XRN1: variants seen among roughly 807,000 people sequenced by gnomAD.
XRN1 encodes the protein strand-exchange protein 1 homolog.
Under a neutral mutation model 222.3 loss-of-function variants are expected in XRN1, and 67 were observed. That is an observed-to-expected ratio of 0.30 (90% CI 0.25 to 0.37). The LOEUF is 0.37. Ranked by LOEUF, XRN1 falls within the 10% of genes least tolerant of loss-of-function variation. The pLI, the probability that XRN1 is intolerant of heterozygous loss-of-function variation, is 1.00. For synonymous variants in XRN1, 643 were observed against 652.4 expected (o/e 0.99, Z 0.22); for missense variants, 1,707 against 2,000.2 (o/e 0.85, Z 2.80).
chr3:142,394,694 T>C (rs996982685), intron 20 of XRN1, among the ~76,000 whole-genome samples: 2 of 152,234 alleles, frequency 1.3e-5, no homozygotes, highest in South Asian at 4.1e-4. Flanking sequence ...TCTCCTTCCA[T>C]CTTAGAATTT....
chr3:142,313,256 A>G, intron 39 of XRN1: 6 of 1,495,660 alleles, frequency 4.0e-6, no homozygotes, highest in Non-Finnish European at 4.6e-6. Context: ...TCTCTATTTT[A>G]ATATTTGAAG....
At chr3:142,442,879 G>A (rs557796583) in intron 1 of XRN1, among the ~76,000 whole-genome samples, 10 of 151,768 alleles carry the variant, frequency 6.6e-5, no homozygotes, top group East Asian at 2.0e-4. Context: ...GACTACGGGC[G>A]CCCAACACGA....
In XRN1 at chr3:142,448,018, C is replaced by G; in HGVS notation, c.-74G>C. The G allele has an allele frequency of 6.6e-7, 1 of 1,504,308 alleles. No individual in the cohort carries two copies. Among genetic ancestry groups the G allele is most frequent in the Non-Finnish European group, 9.2e-7 (1 of 1,087,832 alleles). 93.2% of individuals were successfully genotyped at this position (1,504,308 alleles called of 1,614,324 possible). A position where few individuals can be genotyped will look rare whatever the true frequency, so the allele number is the denominator to read the frequency against. On this transcript the variant is annotated 5_prime_UTR_variant, in exon 1 of 41. Transcript: ENST00000392981. Reference sequence around the variant, plus strand: ...CCCCGCCGGGGCTCCGCCGCAGCCTCCGGTCGTCGCTCCGCGGATGACAAC... The same window carrying G: ...CCCCGCCGGGGCTCCGCCGCAGCCTGCGGTCGTCGCTCCGCGGATGACAAC...
chr3:142,381,481 TC>T (rs2067302239), intron 22 of XRN1, among the ~76,000 whole-genome samples: 1 of 152,084 alleles, frequency 6.6e-6, no homozygotes, highest in South Asian at 2.1e-4. Flanking sequence ...CATTTAATTG[TC>T]ATATCTCTTT....
chr3:142,361,412 G>GT (rs1340655356), intron 29 of XRN1, among the ~76,000 whole-genome samples: 1 of 152,216 alleles, frequency 6.6e-6, no homozygotes, highest in Admixed American at 6.5e-5. Flanking sequence ...ACCCACCTAT[G>GT]AATGGGATGG....
chr3:142,431,919 TA>T (rs1184878543), intron 2 of XRN1, among the ~76,000 whole-genome samples: 3 of 94,580 alleles, frequency 3.2e-5, no homozygotes, highest in East Asian at 2.6e-4. Flanking sequence ...TATAAATATA[TA>T]TAATATAATA....
At chr3:142,406,114 A>AAATG (rs1193459973) in intron 15 of XRN1, among the ~76,000 whole-genome samples, 1 of 152,190 alleles carries the variant, frequency 6.6e-6, no homozygotes, top group Non-Finnish European at 1.5e-5. Context: ...ACAAAAGAGA[A>AAATG]AATGGAAAAG....
At chr3:142,420,103 CTAGT>C (rs2068948941) in intron 10 of XRN1, 1 of 152,050 alleles carries the variant, frequency 6.6e-6, no homozygotes, top group South Asian at 2.1e-4. Flanking sequence ...AATCACTGAT[CTAGT>C]TAATGTCTCA....
chr3:142,323,968 A>T (rs2065438422), intron 37 of XRN1, among the ~76,000 whole-genome samples: 1 of 152,128 alleles, frequency 6.6e-6, no homozygotes, highest in Non-Finnish European at 1.5e-5. Flanking sequence ...ATAATGATCA[A>T]ATCACAGTAA....
intron 18 of XRN1, 80 bp downstream of exon 18, chr3:142,403,594 C>A (rs909569944): frequency 2.3e-6 from 3 of 1,302,964 alleles, no homozygotes; most frequent in South Asian, 2.6e-5. Context: ...ACATATAATA[C>A]CTCCCTGGTA....
intron 18 of XRN1, among the ~76,000 whole-genome samples, chr3:142,401,939 C>A (rs1193588917): frequency 1.3e-5 from 2 of 152,134 alleles, no homozygotes; most frequent in Non-Finnish European, 2.9e-5. Flanking sequence ...ATCCTCTGCT[C>A]CATGCTTCTG....
chr3:142,392,837 C>A (rs964764110), intron 20 of XRN1, among the ~76,000 whole-genome samples: 2 of 151,798 alleles, frequency 1.3e-5, no homozygotes, highest in Non-Finnish European at 1.5e-5. Context: ...TGGGTATATA[C>A]CCCGTAATGG....
At chr3:142,400,237 T>C (rs1356494007) in intron 19 of XRN1, among the ~76,000 whole-genome samples, 8 of 152,146 alleles carry the variant, frequency 5.3e-5, no homozygotes, top group Admixed American at 3.3e-4. Context: ...AAAAATAACA[T>C]ATGCATCTAA....
chr3:142,391,736 TA>T (rs201046497), intron 20 of XRN1, among the ~76,000 whole-genome samples: 72 of 122,146 alleles, frequency 5.9e-4, no homozygotes, highest in African/African-American at 1.7e-3. Flanking sequence ...CCCGTCTCAC[TA>T]AAAAAAAAAA....
chr3:142,314,319 ATAAAC>A (rs1396608457), intron 39 of XRN1, among the ~76,000 whole-genome samples: 3 of 152,196 alleles, frequency 2.0e-5, no homozygotes, highest in East Asian at 1.9e-4. Context: ...GTAGGTATGA[ATAAAC>A]TAATCAACAT....
At chr3:142,326,559 GATTAT>G (rs1255025762) in intron 37 of XRN1, among the ~76,000 whole-genome samples, 28 of 151,920 alleles carry the variant, frequency 1.8e-4, no homozygotes, top group South Asian at 6.2e-4. Context: ...CTAAATATAA[GATTAT>G]ATTGTCTACT....
chr3:142,426,569 G>T (rs759760774), intron 3 of XRN1, 175 bp downstream of exon 3: 70 of 573,870 alleles, frequency 1.2e-4, no homozygotes, highest in Non-Finnish European at 1.9e-4. Flanking sequence ...GTTTTTGTAG[G>T]AGTATTTATG....
chr3:142,434,458 C>G (rs946842901), intron 1 of XRN1, among the ~76,000 whole-genome samples: 3 of 151,614 alleles, frequency 2.0e-5, no homozygotes. Context: ...CAGGTGTGAG[C>G]CACTGCGCCT....
At chr3:142,388,473 C>G (rs984078204) in intron 20 of XRN1, among the ~76,000 whole-genome samples, 6 of 152,084 alleles carry the variant, frequency 3.9e-5, no homozygotes, top group Non-Finnish European at 8.8e-5. Context: ...TATTGGGGGT[C>G]AGCACCCCTA....
Sources: allele counts gnomAD v4.1 joint callset (sites outside exome capture counted in the v4.1 genomes callset), GRCh38; gene constraint gnomAD v4.1.1; transcripts MANE v1.5; gene names NCBI Gene and HGNC (gene_info 2026-07-23, HGNC 2026-07-21).